Variants in KRT13 observed in about 807,000 individuals in gnomAD.
The protein encoded by KRT13 is keratin, type I cytoskeletal 13.
Under a neutral mutation model 40.6 loss-of-function variants are expected in KRT13, and 27 were observed. That is an observed-to-expected ratio of 0.67 (90% CI 0.49 to 0.92). KRT13 has a LOEUF of 0.92. Ranked by LOEUF, KRT13 falls within the 40% of genes least tolerant of loss-of-function variation. The pLI, the probability that KRT13 is intolerant of heterozygous loss-of-function variation, is 0.00. For synonymous variants in KRT13, 266 were observed against 240.3 expected, an observed-to-expected ratio of 1.11 and a Z score of -0.99; for missense variants, 605 against 611.5, an observed-to-expected ratio of 0.99 and a Z score of 0.11.
chr17:41,502,068 AG>A, intron 6 of KRT13: 1 of 985,432 alleles, frequency 1.0e-6, no homozygotes, highest in Non-Finnish European at 1.2e-6. Context: ...ATTTCTGCAA[AG>A]GGTCTAAAGG....
At chr17:41,504,765 T>G (rs1400981845) in intron 1 of KRT13, among the ~76,000 whole-genome samples, 1 of 152,208 alleles carries the variant, frequency 6.6e-6, no homozygotes, top group Non-Finnish European at 1.5e-5. Context: ...CTCAGTAGGT[T>G]AGGATTATAG....
In KRT13 at chr17:41,505,075, A is replaced by T. The variant is rs367591767; in HGVS notation, c.476T>A (p.Ile159Asn). 1.5e-5 allele frequency: 25 copies of T among 1,614,000 alleles called. No individual in the cohort carries two copies. Among genetic ancestry groups the T allele is most frequent in the Non-Finnish European group, 2.1e-5 (25 of 1,180,020 alleles). The stretch of plus-strand genomic sequence containing the variant: ...GCTCACCTTGTCCCGGAGCTCTTCA[A>T]TGGTCTTGTAGTAGGGGCTGTAGTC... The part of the protein sequence containing the change: ...ERDYSPYYKT[I>N]EELRDKILTA... Residue 159 changes from isoleucine (I) to asparagine (N), a missense_variant, in exon 1 of 8, where the codon ATT becomes AAT. Ile to Asn is a moderately radical substitution (Grantham distance 149). Transcript: ENST00000246635.
chr17:41,503,958 T>TG (rs777964303), intron 1 of KRT13: 1 of 518,414 alleles, frequency 1.9e-6, no homozygotes, highest in Admixed American at 3.2e-5. Flanking sequence ...CTGGGCCACA[T>TG]GCAGCCCACC....
Position 41,505,453 on chromosome 17 carries a change from G to T in KRT13, c.98C>A (p.Ser33Ter), listed in dbSNP as rs1313829910. The change falls in exon 1 of 8, where the codon TCA (serine) becomes TAA (stop). Residue 33 changes from serine to a stop codon, truncating the protein, a stop_gained. Coordinates refer to ENST00000246635, the MANE Select transcript of KRT13 (RefSeq NM_153490.3). LOFTEE classifies it high-confidence loss of function. ...TGATCCCCCGGACACAAACCGAGTTGAACAGGTAGAGACACCACGGCCTCC... is the reference window on the plus strand; with the variant it reads ...TGATCCCCCGGACACAAACCGAGTTTAACAGGTAGAGACACCACGGCCTCC... The part of the protein sequence containing the change: ...LGGGRGVSTC[S>*]TRFVSGGSAG... 10 of 1,613,882 alleles carry T rather than the reference G, an allele frequency of 6.2e-6. No individual in the cohort carries two copies. The highest frequency in any genetic ancestry group is 8.5e-6 in the Non-Finnish European group (10 of 1,179,906).
rs775287167 is a variant in KRT13, at chr17:41,502,730, G to A, written c.980C>T (p.Thr327Met). 36 of 1,614,068 alleles carry A rather than the reference G, an allele frequency of 2.2e-5. No homozygotes were observed. Among genetic ancestry groups the A allele is most frequent in the South Asian group, 1.1e-4 (10 of 91,094 alleles). The change falls in exon 5 of 8, where the codon ACG becomes ATG. Residue 327 changes from threonine to methionine, a missense_variant. Physicochemically the swap from Thr to Met is moderately conservative, Grantham distance 81 (BLOSUM62 -1). Transcript: ENST00000246635. ...CAGCTCAATCTCCAGGCCTTGGAGC[G>A]TGCGCCTGAGCTCCGTGATCTCTGT... ...SKTEITELRR[T>M]LQGLEIELQS...
At chr17:41,501,435 G>A in intron 7 of KRT13, 73 bp from the exon 8 acceptor site, 5 of 1,282,562 alleles carry the variant, frequency 3.9e-6, no homozygotes, top group Middle Eastern at 1.8e-4. Flanking sequence ...CCCCCCTGGA[G>A]GGCTCACAAA....
chr17:41,503,664 G>C lies in KRT13; in HGVS notation c.557C>G (p.Ala186Gly). 1 of 1,613,908 alleles carries C rather than the reference G, an allele frequency of 6.2e-7. No homozygotes were observed. The highest frequency in any genetic ancestry group is 8.5e-7 in the Non-Finnish European group (1 of 1,179,888). The change falls in exon 2 of 8, where the codon GCT becomes GGT. Residue 186 changes from alanine (A) to glycine (G), a missense_variant. Coordinates refer to ENST00000246635, the MANE Select transcript of KRT13 (RefSeq NM_153490.3). ...TCACTTGAGCCTGAAGTCGTCCGCA[G>C]CCAGCCTGGCATTGTCAATCTCCAG... ...VILEIDNARL[A>G]ADDFRLKYEN...
rs768484775 is a variant in KRT13 at position 41,501,209 on chromosome 17, C to T, written c.*47G>A. On this transcript the variant is annotated 3_prime_UTR_variant, in exon 8 of 8. Coordinates refer to ENST00000246635, the MANE Select transcript of KRT13 (RefSeq NM_153490.3). ...TCTCCTGCAGGGAACTGCCGGCTCT[C>T]TCCTCCTCTGGGTGCTGAAGACAGA... The T allele has an allele frequency of 1.4e-5, 19 of 1,390,906 alleles. No homozygotes were observed. Among genetic ancestry groups the T allele is most frequent in the Non-Finnish European group, 1.8e-5 (18 of 1,004,078 alleles). The allele number at this position is 1,390,906 out of a possible 1,614,324, so 86.2% of individuals were successfully genotyped here. A position where few individuals can be genotyped will look rare whatever the true frequency, so the allele number is the denominator to read the frequency against.
In KRT13 at chr17:41,502,976, C is replaced by T. The variant is rs1389970544; in HGVS notation, c.858G>A (p.Glu286=). The T allele has an allele frequency of 6.2e-7, 1 of 1,614,130 alleles. No individual in the cohort carries two copies. Among genetic ancestry groups the T allele is most frequent in the Non-Finnish European group, 8.5e-7 (1 of 1,179,970 alleles). Residue 286 remains glutamate, a synonymous_variant, in exon 4 of 8, where the codon GAG becomes GAA. Coordinates refer to ENST00000246635, the MANE Select transcript of KRT13 (RefSeq NM_153490.3). ...ATTCCTCAGCATCCCGGCGGTTCCTCTCTGCCATGGCCTCGTACTGCTCCC... is the reference window on the plus strand; with the variant it reads ...ATTCCTCAGCATCCCGGCGGTTCCTTTCTGCCATGGCCTCGTACTGCTCCC... ...EMREQYEAMA[E]RNRRDAEEWF...
At chr17:41,501,495 A>G in intron 7 of KRT13, 133 bp from the exon 8 acceptor site, 16 of 1,073,542 alleles carry the variant, frequency 1.5e-5, no homozygotes, top group Non-Finnish European at 2.2e-5. Context: ...ATTGTCCCCA[A>G]AGATGGCTCT....
intron 7 of KRT13, 177 bp from the exon 8 acceptor site, chr17:41,501,539 G>A (rs1904850787): frequency 8.4e-7 from 1 of 1,188,142 alleles, no homozygotes; most frequent in East Asian, 2.6e-5. Context: ...GTGGGGCAGA[G>A]CCATCAGTTT....
At chr17:41,504,599 C>G in intron 1 of KRT13, 1 of 187,164 alleles carries the variant, frequency 5.3e-6, no homozygotes, top group Non-Finnish European at 1.1e-5. Flanking sequence ...GCCTCTCTCT[C>G]CCCCAACTTG....
intron 7 of KRT13, 41 bp from the exon 8 acceptor site, chr17:41,501,403 C>A (rs1174067102): frequency 6.7e-7 from 1 of 1,487,184 alleles, no homozygotes; most frequent in African/African-American, 1.4e-5. Flanking sequence ...CTGGAGAAGA[C>A]CCACCTCAGG....
rs1348105939 is a variant in KRT13, at chr17:41,503,294, T to A, written c.728A>T (p.His243Leu). ...NEELAYMKKN[H>L]EEEMKEFSNQ... ...CCTGCAATTCCCGCTCACCTCTTCA[T>A]GGTTCTTCTTCATGTAGGCTAGCTC... Residue 243 changes from histidine to leucine, a missense_variant, in exon 3 of 8, where the codon CAT becomes CTT. His to Leu is a moderately conservative substitution (Grantham distance 99, BLOSUM62 -3). Transcript: ENST00000246635. 1.9e-6 allele frequency: 3 copies of A among 1,614,158 alleles called. No homozygotes were observed. Among genetic ancestry groups the A allele is most frequent in the Admixed American group, 3.3e-5 (2 of 60,020 alleles).
chr17:41,502,250 G>T, intron 6 of KRT13, 124 bp downstream of exon 6: 3 of 1,601,358 alleles, frequency 1.9e-6, no homozygotes, highest in Non-Finnish European at 2.6e-6. Flanking sequence ...AAATGTCCCC[G>T]TAAAGTCAGA....
chr17:41,503,673 G>C lies in KRT13; in HGVS notation c.548C>G (p.Ala183Gly), dbSNP rs746536640. The change falls in exon 2 of 8, where the codon GCC (alanine) becomes GGC (glycine). Residue 183 changes from alanine (A) to glycine (G), a missense_variant. Transcript: ENST00000246635. The stretch of plus-strand genomic sequence containing the variant: ...CCTGAAGTCGTCCGCAGCCAGCCTG[G>C]CATTGTCAATCTCCAGGATGACCCG... Reference protein sequence around the residue: ...NNRVILEIDNARLAADDFRLK... With the variant: ...NNRVILEIDNGRLAADDFRLK... 6.2e-7 allele frequency: 1 copy of C among 1,613,832 alleles called. No homozygotes were observed. Among genetic ancestry groups the C allele is most frequent in the East Asian group, 2.2e-5 (1 of 44,868 alleles).
In KRT13 at chr17:41,503,661, G is replaced by A. The variant is rs9891361; in HGVS notation, c.560C>T (p.Ala187Val). The A allele has an allele frequency of 0.87, 1,402,723 of 1,613,188 alleles. 624,114 individuals are homozygous for A. Among genetic ancestry groups the A allele is most frequent in the South Asian group, 0.9 (82,336 of 91,046 alleles). The stretch of plus-strand genomic sequence containing the variant: ...AACTCACTTGAGCCTGAAGTCGTCC[G>A]CAGCCAGCCTGGCATTGTCAATCTC... ...ILEIDNARLAADDFRLKYENE... is the reference protein window; with the variant it reads ...ILEIDNARLAVDDFRLKYENE... The change falls in exon 2 of 8, where the codon GCG becomes GTG. Residue 187 changes from alanine (A) to valine (V), a missense_variant. Ala to Val is a moderately conservative substitution (Grantham distance 64, BLOSUM62 0). Transcript: ENST00000246635.
At chr17:41,501,889 G>A in intron 6 of KRT13, 145 bp from the exon 7 acceptor site, 1 of 1,528,350 alleles carries the variant, frequency 6.5e-7, no homozygotes, top group South Asian at 1.2e-5. Flanking sequence ...CAGCTCAAGG[G>A]ACAGCAGCAT....
chr17:41,505,437 G>A lies in KRT13; in HGVS notation c.114C>T (p.Ser38=), dbSNP rs8182306. Residue 38 remains serine (S), a synonymous_variant, in exon 1 of 8, where the codon TCC becomes TCT. Transcript: ENST00000246635. ...GVSTCSTRFV[S]GGSAGGYGGG... ...CTCCATAGCCCCCAGCTGATCCCCC[G>A]GACACAAACCGAGTTGAACAGGTAG... 1,507,005 of 1,613,666 alleles carry A rather than the reference G, an allele frequency of 0.93. 706,527 individuals are homozygous for A. Among genetic ancestry groups the A allele is most frequent in the East Asian group, 0.98 (43,893 of 44,854 alleles).
Sources: allele counts gnomAD v4.1 joint callset (sites outside exome capture counted in the v4.1 genomes callset), GRCh38; gene constraint gnomAD v4.1.1; transcripts MANE v1.5; gene names NCBI Gene and HGNC (gene_info 2026-07-23, HGNC 2026-07-21).